DPT: variants seen among roughly 807,000 people sequenced by gnomAD.
DPT encodes tyrosine-rich acidic matrix protein.
A neutral mutation model predicts 31.2 loss-of-function variants in DPT; 21 were observed. The observed-to-expected ratio is 0.67, with a 90% CI of 0.48 to 0.97. The LOEUF (loss-of-function observed/expected upper bound fraction) is 0.97, where lower values mean the gene tolerates loss of function less well. Among genes scored for constraint, DPT ranks in the 50% least tolerant of loss-of-function variants. DPT has a pLI of 0.00. For missense variants in DPT, 262 were observed against 258.8 expected (o/e 1.01, Z -0.08); for synonymous variants, 91 against 86.9 (o/e 1.05, Z -0.26).
chr1:168,698,229 G>A (rs1025969749), intron 3 of DPT, among the ~76,000 whole-genome samples: 12 of 152,272 alleles, frequency 7.9e-5, no homozygotes, highest in East Asian at 1.9e-4. Context: ...GCTCCGGGTC[G>A]TTTGTTTAGA....
At chr1:168,697,143 AGTCCCAGCTACTTGGGAGGCTGAG>A (rs1219497274) in intron 3 of DPT, among the ~76,000 whole-genome samples, 1 of 152,134 alleles carries the variant, frequency 6.6e-6, no homozygotes, top group Non-Finnish European at 1.5e-5. Context: ...GCATGCCTGT[AGTCCCAGCTACTTGGGAGGCTGAG>A]GTGGGAGGAT....
intron 2 of DPT, 119 bp downstream of exon 2, chr1:168,714,102 A>G (rs1247145147): frequency 4.5e-6 from 6 of 1,343,850 alleles, no homozygotes; most frequent in Non-Finnish European, 6.1e-6. Flanking sequence ...TCTTGTCTAT[A>G]TGCCAGCGCT....
chr1:168,701,705 T>C (rs1378547214), intron 2 of DPT, among the ~76,000 whole-genome samples: 5 of 152,338 alleles, frequency 3.3e-5, no homozygotes, highest in Non-Finnish European at 4.4e-5. Context: ...TTAATTAAAA[T>C]GTAAGCTCCC....
chr1:168,703,990 A>G (rs1649660693), intron 2 of DPT, among the ~76,000 whole-genome samples: 2 of 152,232 alleles, frequency 1.3e-5, no homozygotes, highest in South Asian at 4.1e-4. Context: ...ATAGCTCCTT[A>G]GAGAGAAAAA....
intron 2 of DPT, among the ~76,000 whole-genome samples, chr1:168,704,071 C>T (rs772861033): frequency 1.8e-4 from 27 of 152,314 alleles, no homozygotes; most frequent in Middle Eastern, 6.8e-3. Flanking sequence ...AAAGAGGCTA[C>T]AAGGAAGCAG....
chr1:168,705,946 T>C (rs1426804990), intron 2 of DPT, among the ~76,000 whole-genome samples: 1 of 152,230 alleles, frequency 6.6e-6, no homozygotes, highest in African/African-American at 2.4e-5. Context: ...CCACATAAGA[T>C]GTGGCTTGCT....
chr1:168,702,664 C>A (rs1490419630), intron 2 of DPT, among the ~76,000 whole-genome samples: 2 of 140,714 alleles, frequency 1.4e-5, no homozygotes, highest in South Asian at 4.5e-4. Context: ...CAGGCTGTTG[C>A]ACACTGGTGC....
chr1:168,719,705 G>T (rs945220817), intron 1 of DPT, among the ~76,000 whole-genome samples: 1 of 151,902 alleles, frequency 6.6e-6, no homozygotes. Flanking sequence ...TAACATGACC[G>T]CAGCTCTAAG....
At chr1:168,728,775 G>A in intron 1 of DPT, 95 bp downstream of exon 1, 1 of 1,476,984 alleles carries the variant, frequency 6.8e-7, no homozygotes, top group South Asian at 1.3e-5. Context: ...CCCAGGCTTT[G>A]GTTACTGATA....
At chr1:168,709,947 G>A (rs1649814339) in intron 2 of DPT, among the ~76,000 whole-genome samples, 1 of 152,184 alleles carries the variant, frequency 6.6e-6, no homozygotes, top group South Asian at 2.1e-4. Context: ...TCACATCAAT[G>A]TCAGGTTTCA....
chr1:168,720,746 C>G (rs1352646830), intron 1 of DPT, among the ~76,000 whole-genome samples: 1 of 152,134 alleles, frequency 6.6e-6, no homozygotes, highest in Non-Finnish European at 1.5e-5. Context: ...CCTTAACACT[C>G]CCAAATTTCT....
At chr1:168,727,691 A>G (rs1304109369) in intron 1 of DPT, among the ~76,000 whole-genome samples, 1 of 136,628 alleles carries the variant, frequency 7.3e-6, no homozygotes. Context: ...GCTGCATGCA[A>G]CTACACCGGG....
At chr1:168,710,722 G>T (rs781713811) in intron 2 of DPT, among the ~76,000 whole-genome samples, 6 of 152,116 alleles carry the variant, frequency 3.9e-5, no homozygotes, top group Non-Finnish European at 8.8e-5. Context: ...GCATTCTTGG[G>T]GAAGCAGAAG....
At chr1:168,699,770 A>G (rs1649548899) in intron 3 of DPT, among the ~76,000 whole-genome samples, 1 of 152,008 alleles carries the variant, frequency 6.6e-6, no homozygotes. Context: ...ATTTATTGGT[A>G]ACTTTTCAGG....
chr1:168,728,668 A>C (rs958118055), intron 1 of DPT, among the ~76,000 whole-genome samples: 10 of 152,128 alleles, frequency 6.6e-5, no homozygotes, highest in Non-Finnish European at 1.2e-4. Context: ...TCCCACAGAC[A>C]CTCCCCATCC....
At chr1:168,728,839 G>A (rs748165572) in intron 1 of DPT, 31 bp downstream of exon 1, 1 of 1,606,898 alleles carries the variant, frequency 6.2e-7, no homozygotes, top group Non-Finnish European at 8.5e-7. Flanking sequence ...GATGTTCCCA[G>A]CCCCAGTGCA....
intron 2 of DPT, among the ~76,000 whole-genome samples, chr1:168,705,280 T>C (rs1649694104): frequency 6.6e-6 from 1 of 152,304 alleles, no homozygotes; most frequent in Admixed American, 6.5e-5. Context: ...GTTACAGCTG[T>C]TTCACTTGGG....
intron 1 of DPT, among the ~76,000 whole-genome samples, chr1:168,719,071 T>C (rs1376568968): frequency 6.6e-6 from 1 of 152,130 alleles, no homozygotes. Flanking sequence ...GTCCAGCAAA[T>C]GTTTAATAGA....
chr1:168,712,869 A>G (rs943737802), intron 2 of DPT, among the ~76,000 whole-genome samples: 13 of 152,332 alleles, frequency 8.5e-5, no homozygotes, highest in African/African-American at 3.1e-4. Flanking sequence ...TTGTATTAAC[A>G]TGCTAAGTGC....
Sources: gnomAD v4.1 joint callset for allele counts (sites outside exome capture counted in the v4.1 genomes callset) on GRCh38, gnomAD v4.1.1 for gene constraint, MANE v1.5 for transcripts, NCBI Gene and HGNC (gene_info 2026-07-23, HGNC 2026-07-21) for gene names.